The following GALNTL6 variants were observed in gnomAD, a reference collection of about 807,000 sequenced individuals.
GALNTL6 encodes the protein polypeptide N-acetylgalactosaminyltransferase-like 6.
Under a neutral mutation model 73.7 loss-of-function variants are expected in GALNTL6, and 46 were observed. That is an observed-to-expected ratio of 0.62 (90% CI 0.49 to 0.80). The LOEUF (loss-of-function observed/expected upper bound fraction) is 0.80. GALNTL6 is among the 30% of genes least tolerant of loss of function. The probability of loss-of-function intolerance (pLI) is 0.00; values close to 1 mark genes in which losing one functional copy is unlikely to be tolerated. For synonymous variants in GALNTL6, 259 were observed against 263.7 expected (o/e 0.98, Z 0.17); for missense variants, 604 against 755.0 (o/e 0.80, Z 2.34).
At position 172,903,686 on chromosome 4, in the gene GALNTL6, C is replaced by T. The variant is rs150947868; in HGVS notation, c.1041+20779C>T. Among the ~76,000 whole-genome samples the T allele has an allele frequency of 1.6e-4, 24 of 152,230 alleles. No individual in the cohort carries two copies. The Middle Eastern group carries it at 0.01, about 65-fold the overall frequency. On this transcript the variant is annotated intron_variant, in intron 8 of 12. Coordinates refer to ENST00000506823, the MANE Select transcript of GALNTL6 (RefSeq NM_001034845.3). ...AGGTGTATAAACTACTCCCATACTG[C>T]ATTCTCTGTGATTTCTAGTTTGAGG...
chr4:172,070,366 T>G lies in GALNTL6; in HGVS notation c.139-159290T>G, dbSNP rs1353471610. Among the ~76,000 whole-genome samples the G allele has an allele frequency of 4.5e-5, 5 of 110,404 alleles. 2 individuals carry two copies. Among genetic ancestry groups the G allele is most frequent in the Non-Finnish European group, 1.0e-4 (5 of 49,622 alleles). 72.4% of individuals were successfully genotyped at this position (110,404 alleles called of 152,430 possible). A position where few individuals can be genotyped will look rare whatever the true frequency, so the allele number is the denominator to read the frequency against. On this transcript the variant is annotated intron_variant, in intron 2 of 12. Coordinates refer to ENST00000506823, the MANE Select transcript of GALNTL6 (RefSeq NM_001034845.3). ...TGATTTAATAGTGTTATGATTTGAATATGTCCCCCAAAAGTTAAGGTGTTG... is the reference window on the plus strand; with the variant it reads ...TGATTTAATAGTGTTATGATTTGAAGATGTCCCCCAAAAGTTAAGGTGTTG...
chr4:171,817,543 A>C (rs1226765136), intron 2 of GALNTL6, among the ~76,000 whole-genome samples: 2 of 151,814 alleles, frequency 1.3e-5, no homozygotes, highest in African/African-American at 4.8e-5. Flanking sequence ...CATGTGGATT[A>C]ATTTTCACAA....
chr4:172,122,623 G>A (rs1200907853), intron 2 of GALNTL6, among the ~76,000 whole-genome samples: 1 of 152,172 alleles, frequency 6.6e-6, no homozygotes, highest in Non-Finnish European at 1.5e-5. Context: ...GTTATTAGAG[G>A]AGTACACATG....
At chr4:172,794,566 A>G (rs748789479) in intron 5 of GALNTL6, among the ~76,000 whole-genome samples, 5 of 152,220 alleles carry the variant, frequency 3.3e-5, no homozygotes, top group Non-Finnish European at 7.3e-5. Context: ...TATATTTCAT[A>G]GTGCTTTTTC....
intron 2 of GALNTL6, among the ~76,000 whole-genome samples, chr4:171,943,121 C>T (rs1294086634): frequency 6.6e-6 from 1 of 152,184 alleles, no homozygotes; most frequent in Non-Finnish European, 1.5e-5. Flanking sequence ...GGAGTTCCCT[C>T]CCATCAAACA....
chr4:172,791,540 T>G (rs1342472290), intron 5 of GALNTL6, among the ~76,000 whole-genome samples: 2 of 152,020 alleles, frequency 1.3e-5, no homozygotes, highest in Admixed American at 6.6e-5. Context: ...TAACGGAATG[T>G]GGAAGAATCT....
intron 5 of GALNTL6, among the ~76,000 whole-genome samples, chr4:172,525,966 G>C (rs1734939517): frequency 6.6e-6 from 1 of 152,100 alleles, no homozygotes; most frequent in Non-Finnish European, 1.5e-5. Context: ...TTTATTTTAA[G>C]TTCTTACATA....
At chr4:172,316,431 C>A (rs1291141021) in intron 4 of GALNTL6, among the ~76,000 whole-genome samples, 1 of 152,074 alleles carries the variant, frequency 6.6e-6, no homozygotes, top group Non-Finnish European at 1.5e-5. Context: ...TTTATCATTT[C>A]TTTTTTATAT....
intron 5 of GALNTL6, among the ~76,000 whole-genome samples, chr4:172,426,305 A>G (rs555450014): frequency 2.0e-5 from 3 of 151,006 alleles, no homozygotes; most frequent in East Asian, 2.0e-4. Context: ...TTGTTAAAAC[A>G]TCTATGAAAT....
intron 5 of GALNTL6, among the ~76,000 whole-genome samples, chr4:172,351,852 A>G (rs1741955154): frequency 6.6e-6 from 1 of 152,126 alleles, no homozygotes; most frequent in South Asian, 2.1e-4. Context: ...TGCACTATTT[A>G]CCACCTTTGC....
At chr4:172,693,361 C>T (rs1354983372) in intron 5 of GALNTL6, among the ~76,000 whole-genome samples, 2 of 152,114 alleles carry the variant, frequency 1.3e-5, no homozygotes, top group Non-Finnish European at 2.9e-5. Context: ...TCTTGCTAAT[C>T]CCTGAGTTTA....
chr4:172,197,831 C>G (rs976595112), intron 2 of GALNTL6, among the ~76,000 whole-genome samples: 1 of 151,988 alleles, frequency 6.6e-6, no homozygotes, highest in African/African-American at 2.4e-5. Context: ...AAAACTAGGC[C>G]GGACGCGGTG....
intron 8 of GALNTL6, among the ~76,000 whole-genome samples, chr4:172,928,006 C>A (rs1392890093): frequency 6.6e-6 from 1 of 152,104 alleles, no homozygotes; most frequent in African/African-American, 2.4e-5. Context: ...CTATAATCTC[C>A]CACATACATT....
intron 2 of GALNTL6, among the ~76,000 whole-genome samples, chr4:171,907,912 T>G (rs989481372): frequency 1.4e-4 from 21 of 152,076 alleles, no homozygotes; most frequent in Non-Finnish European, 2.9e-5. Context: ...CCCTATTTAA[T>G]AAATGGTGCT....
chr4:172,252,547 A>G (rs1737917323), intron 3 of GALNTL6, among the ~76,000 whole-genome samples: 1 of 152,166 alleles, frequency 6.6e-6, no homozygotes, highest in Non-Finnish European at 1.5e-5. Context: ...AAAGAAATTT[A>G]GATAAAGAGA....
chr4:172,023,669 C>T (rs1741469331), intron 2 of GALNTL6, among the ~76,000 whole-genome samples: 1 of 151,798 alleles, frequency 6.6e-6, no homozygotes, highest in Non-Finnish European at 1.5e-5. Flanking sequence ...GCAGGTAGAA[C>T]CATACTAATA....
intron 10 of GALNTL6, among the ~76,000 whole-genome samples, chr4:172,954,080 A>G (rs1053688439): frequency 6.6e-6 from 1 of 152,200 alleles, no homozygotes; most frequent in Non-Finnish European, 1.5e-5. Flanking sequence ...TGAAGAGCCC[A>G]CAGTATCATT....
At chr4:172,540,723 G>T (rs755803207) in intron 5 of GALNTL6, among the ~76,000 whole-genome samples, 1 of 152,150 alleles carries the variant, frequency 6.6e-6, no homozygotes, top group Non-Finnish European at 1.5e-5. Context: ...GGGTTTTAAG[G>T]ATTCTTTATT....
chr4:172,545,573 T>C, intron 5 of GALNTL6: 1 of 152,374 alleles, frequency 6.6e-6, no homozygotes, highest in Non-Finnish European at 1.5e-5. Context: ...CTAAAATTCT[T>C]CCCTTATCCT....
Sources: allele counts gnomAD v4.1 joint callset (sites outside exome capture counted in the v4.1 genomes callset), GRCh38; gene constraint gnomAD v4.1.1; transcripts MANE v1.5; gene names NCBI Gene and HGNC (gene_info 2026-07-23, HGNC 2026-07-21).